Variants in CNTNAP2 observed in about 807,000 individuals in gnomAD.
CNTNAP2 encodes contactin associated protein 2.
CNTNAP2 carries 98 observed loss-of-function variants against 155.2 expected under a neutral mutation model. The ratio of observed to expected loss-of-function variants is 0.63; its 90% CI spans 0.54 to 0.75. The LOEUF is 0.75. Ranked by LOEUF, CNTNAP2 falls within the 30% of genes least tolerant of loss-of-function variation. The probability of loss-of-function intolerance (pLI) is 0.00; values close to 1 mark genes in which losing one functional copy is unlikely to be tolerated. For missense variants in CNTNAP2, 1,727 were observed against 1,688.1 expected, an observed-to-expected ratio of 1.02 and a Z score of -0.40; for synonymous variants, 651 against 631.2, an observed-to-expected ratio of 1.03 and a Z score of -0.47.
In CNTNAP2 at chr7:147,252,519, T is replaced by C. The variant is rs885609; in HGVS notation, c.1349-47622T>C. Among the ~76,000 whole-genome samples the C allele has an allele frequency of 6.1e-3, 934 of 152,310 alleles. 3 individuals are homozygous for C. Among genetic ancestry groups the C allele is most frequent in the Non-Finnish European group, 9.8e-3 (666 of 68,024 alleles). On this transcript the variant is annotated intron_variant, in intron 8 of 23. Coordinates refer to ENST00000361727, the MANE Select transcript of CNTNAP2 (RefSeq NM_014141.6). The stretch of plus-strand genomic sequence containing the variant: ...TAATTTTAACTTCCTGGATTTCAAT[T>C]GCTTCCTCTATAAAGCAGGGATAAT...
At chr7:148,271,356 C>G (rs1796776184) in intron 21 of CNTNAP2, among the ~76,000 whole-genome samples, 1 of 152,200 alleles carries the variant, frequency 6.6e-6, no homozygotes, top group East Asian at 1.9e-4. Flanking sequence ...TTAGCATTCT[C>G]CCTGGCCTTT....
chr7:148,117,130 A>G (rs1292370670), intron 15 of CNTNAP2, among the ~76,000 whole-genome samples: 1 of 152,308 alleles, frequency 6.6e-6, no homozygotes, highest in Non-Finnish European at 1.5e-5. Flanking sequence ...TTTTTATTGC[A>G]TCCTGCGAGC....
chr7:147,369,831 C>T (rs1448039789), intron 9 of CNTNAP2, among the ~76,000 whole-genome samples: 2 of 152,128 alleles, frequency 1.3e-5, no homozygotes, highest in Non-Finnish European at 2.9e-5. Flanking sequence ...TAATTCTGCT[C>T]TACAATCTCG....
chr7:147,302,122 A>G (rs184938900), intron 9 of CNTNAP2, among the ~76,000 whole-genome samples: 3 of 152,350 alleles, frequency 2.0e-5, no homozygotes, highest in South Asian at 2.1e-4. Flanking sequence ...AAACAACTCA[A>G]TAGCCAAACT....
chr7:146,457,724 C>T (rs568632027), intron 1 of CNTNAP2, among the ~76,000 whole-genome samples: 26 of 151,180 alleles, frequency 1.7e-4, no homozygotes, highest in African/African-American at 5.8e-4. Flanking sequence ...AGGATGGTCT[C>T]GATCTCCTGA....
intron 1 of CNTNAP2, among the ~76,000 whole-genome samples, chr7:146,122,280 C>T (rs1391730154): frequency 2.0e-5 from 3 of 152,144 alleles, no homozygotes; most frequent in Non-Finnish European, 2.9e-5. Context: ...AGTGATAGCG[C>T]GAAGAGCCTT....
intron 9 of CNTNAP2, among the ~76,000 whole-genome samples, chr7:147,328,771 C>T (rs1230414918): frequency 6.6e-6 from 1 of 152,078 alleles, no homozygotes; most frequent in Non-Finnish European, 1.5e-5. Flanking sequence ...GAAATAACTA[C>T]TATAATAAAC....
At chr7:146,552,633 C>T (rs1042953492) in intron 1 of CNTNAP2, among the ~76,000 whole-genome samples, 2 of 152,134 alleles carry the variant, frequency 1.3e-5, no homozygotes, top group East Asian at 1.9e-4. Context: ...CTCCCCCTAA[C>T]GACTTTCCTT....
rs181710762 is a variant in CNTNAP2, at chr7:146,309,288, C to T, written c.97+192315C>T. On this transcript the variant is annotated intron_variant, in intron 1 of 23. Coordinates refer to ENST00000361727, the MANE Select transcript of CNTNAP2 (RefSeq NM_014141.6). ...TGTTTTAACGGTGCTCTCGGGCTGCCATATGTGTTTATGTAGGCTGTGTCC... is the reference window on the plus strand; with the variant it reads ...TGTTTTAACGGTGCTCTCGGGCTGCTATATGTGTTTATGTAGGCTGTGTCC... Among the ~76,000 whole-genome samples the T allele has an allele frequency of 1.8e-3, 278 of 152,156 alleles. 3 individuals carry two copies. The highest frequency in any genetic ancestry group is 4.6e-3 in the Admixed American group (70 of 15,266).
intron 8 of CNTNAP2, among the ~76,000 whole-genome samples, chr7:147,229,987 G>A (rs1233951682): frequency 3.3e-5 from 5 of 151,950 alleles, no homozygotes; most frequent in South Asian, 2.1e-4. Context: ...ATCAAACTAC[G>A]AGTTTCCAAT....
chr7:147,626,931 C>T (rs1794990586), intron 12 of CNTNAP2, among the ~76,000 whole-genome samples: 1 of 152,210 alleles, frequency 6.6e-6, no homozygotes, highest in Non-Finnish European at 1.5e-5. Flanking sequence ...TTCGCTGCCA[C>T]CTCTACCAGA....
intron 2 of CNTNAP2, among the ~76,000 whole-genome samples, chr7:146,798,392 A>T (rs543141661): frequency 2.6e-3 from 402 of 152,180 alleles, no homozygotes; most frequent in African/African-American, 9.0e-3. Context: ...CCCAAGCTGG[A>T]GTGCAGTGGT....
At chr7:146,772,781 G>A (rs1802318128) in intron 1 of CNTNAP2, among the ~76,000 whole-genome samples, 1 of 152,182 alleles carries the variant, frequency 6.6e-6, no homozygotes, top group African/African-American at 2.4e-5. Context: ...AGGCCACTGG[G>A]TGGCGGGGTA....
At chr7:147,885,816 T>C (rs1799591676) in intron 13 of CNTNAP2, among the ~76,000 whole-genome samples, 1 of 152,186 alleles carries the variant, frequency 6.6e-6, no homozygotes, top group African/African-American at 2.4e-5. Flanking sequence ...ACAGAATCAG[T>C]GTCCAGGTGG....
intron 1 of CNTNAP2, among the ~76,000 whole-genome samples, chr7:146,132,844 G>A (rs2116739436): frequency 6.7e-6 from 1 of 148,508 alleles, no homozygotes; most frequent in East Asian, 2.0e-4. Context: ...CCAAGTCTTT[G>A]CTATTGTGAA....
intron 5 of CNTNAP2, among the ~76,000 whole-genome samples, chr7:147,115,499 A>G (rs1800967927): frequency 6.6e-6 from 1 of 152,116 alleles, no homozygotes; most frequent in Admixed American, 6.5e-5. Context: ...CATATTTCTC[A>G]GAGGTTTTGT....
At chr7:147,006,508 T>C (rs1435558949) in intron 3 of CNTNAP2, among the ~76,000 whole-genome samples, 1 of 152,050 alleles carries the variant, frequency 6.6e-6, no homozygotes, top group African/African-American at 2.4e-5. Flanking sequence ...TAAAGAGGTG[T>C]ATTTTGGGGT....
intron 8 of CNTNAP2, among the ~76,000 whole-genome samples, chr7:147,141,703 A>G (rs1293652177): frequency 1.3e-5 from 2 of 152,110 alleles, no homozygotes; most frequent in Non-Finnish European, 2.9e-5. Flanking sequence ...TTGGTGTTAC[A>G]TGATCACACA....
chr7:146,829,646 C>A (rs897896013), intron 2 of CNTNAP2, among the ~76,000 whole-genome samples: 3 of 151,762 alleles, frequency 2.0e-5, no homozygotes, highest in Non-Finnish European at 2.9e-5. Context: ...CATAAAAGCA[C>A]GTATACTTTT....
Sources: gnomAD v4.1 joint callset for allele counts (sites outside exome capture counted in the v4.1 genomes callset) on GRCh38, gnomAD v4.1.1 for gene constraint, MANE v1.5 for transcripts, NCBI Gene and HGNC (gene_info 2026-07-23, HGNC 2026-07-21) for gene names.